The following CASZ1 variants were observed in gnomAD, a reference collection of about 807,000 sequenced individuals.
CASZ1 encodes the protein zinc finger protein castor homolog 1.
A neutral mutation model predicts 135.2 loss-of-function variants in CASZ1; 28 were observed. The observed-to-expected ratio is 0.21, with a 90% CI of 0.15 to 0.28. The LOEUF (loss-of-function observed/expected upper bound fraction) is 0.28, where lower values mean the gene tolerates loss of function less well. CASZ1 is among the 10% of genes least tolerant of loss of function. The probability of loss-of-function intolerance (pLI) is 1.00; values close to 1 mark genes in which losing one functional copy is unlikely to be tolerated. For synonymous variants in CASZ1, 1,068 were observed against 1,073.4 expected (o/e 0.99, Z 0.10); for missense variants, 2,161 against 2,453.3 (o/e 0.88, Z 2.52).
intron 2 of CASZ1, among the ~76,000 whole-genome samples, chr1:10,714,877 T>C (rs1022227755): frequency 6.6e-6 from 1 of 151,450 alleles, no homozygotes; most frequent in East Asian, 1.9e-4. Context: ...TCCTCAGAGC[T>C]GCCTTGTCTC....
Position 10,653,662 on chromosome 1 carries a change from T to C in CASZ1, c.2395A>G (p.Thr799Ala), listed in dbSNP as rs1642679356. The change falls in exon 11 of 21, where the codon ACG (threonine) becomes GCG (alanine). Residue 799 changes from threonine (T) to alanine (A), a missense_variant. Thr to Ala is a moderately conservative substitution (Grantham distance 58). Coordinates refer to ENST00000377022, the MANE Select transcript of CASZ1 (RefSeq NM_001079843.3). ...CCAGCCAGTATGGGGAAGTAGGGCG[T>C]GGGGGTGGGCAGGCCCGAGTTGGAG... The part of the protein sequence containing the change: ...ALSNSGLPTP[T>A]PYFPILAGRG... 6.4e-7 allele frequency: 1 copy of C among 1,553,866 alleles called. No individual in the cohort carries two copies. The highest frequency in any genetic ancestry group is 1.4e-5 in the African/African-American group (1 of 73,042).
rs1640671185 is a variant in CASZ1 at position 10,776,888 on chromosome 1, C to G, written c.-233-16031G>C. ...TCCAGTGCTCTTTCTTCAACAGAAG[C>G]AGTCCCTAAAACCAGTCACCCCCAA... On this transcript the variant is annotated intron_variant, in intron 1 of 20. Transcript: ENST00000377022. The surrounding 1 kb of genome is among the most constrained non-coding windows in gnomAD (Gnocchi z 4.1). 6.6e-6 allele frequency among the ~76,000 whole-genome samples: 1 copy of G among 152,214 alleles called. No homozygotes were observed. The highest frequency in any genetic ancestry group is 1.5e-5 in the Non-Finnish European group (1 of 68,030).
rs574018529 is a variant in CASZ1, at chr1:10,662,028, ACT to A, written c.506-1494_506-1493del. Among the ~76,000 whole-genome samples, 134 of 151,102 alleles carry A rather than the reference ACT, an allele frequency of 8.9e-4. 2 individuals carry two copies. The South Asian group carries it at 0.011, about 12-fold the overall frequency. ...ACAACACACACATGCATTCTCATAC[ACT>A]CTCACACACCCACATTCTCACAATC... On this transcript the variant is annotated intron_variant, in intron 5 of 20. Coordinates refer to ENST00000377022, the MANE Select transcript of CASZ1 (RefSeq NM_001079843.3).
In CASZ1 at chr1:10,717,679, G is replaced by A. The variant is rs1172515288; in HGVS notation, c.-76-12135C>T. ...CAGGGGGCAGGGGACAGGGGCGGAG[G>A]TAGAAAACCCTTGCCAATTCCCCCC... On this transcript the variant is annotated intron_variant, in intron 2 of 20. Coordinates refer to ENST00000377022, the MANE Select transcript of CASZ1 (RefSeq NM_001079843.3). This position sits in a 1 kb window ranked among gnomAD's most constrained non-coding sequence, Gnocchi z 4.6. 6.6e-6 allele frequency among the ~76,000 whole-genome samples: 1 copy of A among 152,114 alleles called. No homozygotes were observed. Among genetic ancestry groups the A allele is most frequent in the East Asian group, 1.9e-4 (1 of 5,188 alleles).
At chr1:10,785,949 G>A (rs757696495) in intron 1 of CASZ1, among the ~76,000 whole-genome samples, 10 of 152,212 alleles carry the variant, frequency 6.6e-5, no homozygotes, top group East Asian at 5.8e-4. Context: ...TTACAGATGC[G>A]GAAACAAAGG....
At chr1:10,783,016 G>A (rs2100615892) in intron 1 of CASZ1, among the ~76,000 whole-genome samples, 2 of 152,248 alleles carry the variant, frequency 1.3e-5, no homozygotes, top group South Asian at 4.1e-4. Context: ...TGACTCAATT[G>A]CCTTTTCACG....
chr1:10,639,071 G>T lies in CASZ1; in HGVS notation c.5151C>A (p.Thr1717=). Residue 1717 remains threonine, a synonymous_variant, in exon 21 of 21, where the codon ACC becomes ACA. Coordinates refer to ENST00000377022, the MANE Select transcript of CASZ1 (RefSeq NM_001079843.3). This position sits in a 1 kb window ranked among gnomAD's most constrained non-coding sequence, Gnocchi z 4.0. ...DEDDDDEDLR[T]DSEESLPEAA... ...CCTCGGGCAGCGACTCCTCCGAGTC[G>T]GTGCGCAGGTCCTCGTCGTCGTCGT... is the stretch of plus-strand genomic sequence containing the variant. 1 of 1,129,760 alleles carries T rather than the reference G, an allele frequency of 8.9e-7. No individual in the cohort carries two copies. The highest frequency in any genetic ancestry group is 7.6e-5 in the East Asian group (1 of 13,208). 70.0% of individuals were successfully genotyped at this position (1,129,760 alleles called of 1,614,324 possible).
At chr1:10,738,100 G>T (rs78581889) in intron 2 of CASZ1, among the ~76,000 whole-genome samples, 1 of 152,194 alleles carries the variant, frequency 6.6e-6, no homozygotes, top group Non-Finnish European at 1.5e-5. Context: ...GGGTGGGGAC[G>T]AGCAATCGAG....
At chr1:10,664,581 G>A (rs1458421112) in intron 5 of CASZ1, among the ~76,000 whole-genome samples, 1 of 152,018 alleles carries the variant, frequency 6.6e-6, no homozygotes, top group Non-Finnish European at 1.5e-5. Flanking sequence ...AGGCCAAGGG[G>A]AGTGGCAGGA....
chr1:10,778,164 C>T (rs1330160133), intron 1 of CASZ1, among the ~76,000 whole-genome samples: 2 of 151,982 alleles, frequency 1.3e-5, no homozygotes, highest in South Asian at 2.1e-4. Flanking sequence ...CTCCATCTCA[C>T]ACTATCTCAC....
chr1:10,665,441 G>T lies in CASZ1; in HGVS notation c.147C>A (p.Asp49Glu), dbSNP rs284322. The change falls in exon 5 of 21, where the codon GAC (aspartate) becomes GAA (glutamate). Residue 49 changes from aspartate to glutamate, a missense_variant. Transcript: ENST00000377022. ...SRQVVVEKRA[D>E]AGSHTEGSPS... ...GGCTGCCCTCCGTGTGGGAGCCGGC[G>T]TCAGCTCGCTTCTCCACCACCACCT... 1.2e-6 allele frequency: 2 copies of T among 1,611,044 alleles called. No homozygotes were observed. The highest frequency in any genetic ancestry group is 1.7e-6 in the Non-Finnish European group (2 of 1,179,728).
chr1:10,760,499 T>C (rs1302946772), intron 2 of CASZ1, among the ~76,000 whole-genome samples: 3 of 152,242 alleles, frequency 2.0e-5, no homozygotes, highest in Non-Finnish European at 4.4e-5. Flanking sequence ...CAAATGCAGG[T>C]GCCCTGCTCC....
In CASZ1 at chr1:10,639,884, T is replaced by A. The variant is rs377572273; in HGVS notation, c.4338A>T (p.Ala1446=). ...RFDLYEDCKD[A]ACQFSLKVTH... ...TGACCTTGAGCGAGAACTGACAAGC[T>A]GCGTCCTTGCAGTCCTCGTAAAGGT... Residue 1446 remains alanine (A), a synonymous_variant, in exon 21 of 21, where the codon GCA becomes GCT. Coordinates refer to ENST00000377022, the MANE Select transcript of CASZ1 (RefSeq NM_001079843.3). This position sits in a 1 kb window ranked among gnomAD's most constrained non-coding sequence, Gnocchi z 4.0. 6.2e-7 allele frequency: 1 copy of A among 1,612,546 alleles called. No individual in the cohort carries two copies. The highest frequency in any genetic ancestry group is 1.3e-5 in the African/African-American group (1 of 74,944).
chr1:10,783,122 C>T (rs969674571), intron 1 of CASZ1, among the ~76,000 whole-genome samples: 3 of 152,128 alleles, frequency 2.0e-5, no homozygotes, highest in Non-Finnish European at 2.9e-5. Flanking sequence ...ACGGCCCTCC[C>T]GGGGCCACCG....
At chr1:10,654,301 C>A in intron 10 of CASZ1, 83 bp from the exon 11 acceptor site, 1 of 1,579,262 alleles carries the variant, frequency 6.3e-7, no homozygotes, top group Non-Finnish European at 8.6e-7. Context: ...GGACAGTCCC[C>A]CGGGTGGAAA....
rs1218171242 is a variant in CASZ1 at position 10,794,297 on chromosome 1, C to A, written c.-234+2267G>T. Among the ~76,000 whole-genome samples the A allele has an allele frequency of 6.6e-6, 1 of 152,074 alleles. No individual in the cohort carries two copies. On this transcript the variant is annotated intron_variant, in intron 1 of 20. Coordinates refer to ENST00000377022, the MANE Select transcript of CASZ1 (RefSeq NM_001079843.3). This position sits in a 1 kb window ranked among gnomAD's most constrained non-coding sequence, Gnocchi z 5.6. ...GTGCGCTCTCACCGCGCGCCTGTACCAGCTCGGAGACGTCCTAAATTTACT... is the reference window on the plus strand; with the variant it reads ...GTGCGCTCTCACCGCGCGCCTGTACAAGCTCGGAGACGTCCTAAATTTACT...
chr1:10,729,584 C>T lies in CASZ1; in HGVS notation c.-76-24040G>A, dbSNP rs569784942. 3.3e-5 allele frequency among the ~76,000 whole-genome samples: 5 copies of T among 152,222 alleles called. No individual in the cohort carries two copies. The South Asian group carries it at 6.2e-4, about 19-fold the overall frequency. On this transcript the variant is annotated intron_variant, in intron 2 of 20. Coordinates refer to ENST00000377022, the MANE Select transcript of CASZ1 (RefSeq NM_001079843.3). ...GGGCTTAGGGGAGCAGTTCGCAAAG[C>T]GTGGTCCGCAGGCCTCTTCCCGAGA... is the stretch of plus-strand genomic sequence containing the variant.
In CASZ1 at chr1:10,725,147, G is replaced by T. The variant is rs928322019; in HGVS notation, c.-76-19603C>A. ...GGGGTAGGATTCCCTAGTTGGCCAG[G>T]GAGCCCTGGATGGATACGGCGAGAA... On this transcript the variant is annotated intron_variant, in intron 2 of 20. Coordinates refer to ENST00000377022, the MANE Select transcript of CASZ1 (RefSeq NM_001079843.3). This position sits in a 1 kb window ranked among gnomAD's most constrained non-coding sequence, Gnocchi z 4.4. 2.0e-5 allele frequency among the ~76,000 whole-genome samples: 3 copies of T among 152,158 alleles called. No individual in the cohort carries two copies. The highest frequency in any genetic ancestry group is 4.4e-5 in the Non-Finnish European group (3 of 68,020).
chr1:10,643,247 G>A lies in CASZ1; in HGVS notation c.3933C>T (p.Phe1311=), dbSNP rs532843592. ...GGGAGGTCATCTGGTGCTTGAGGAG[G>A]AAGGAGAACTGGCAGCCCTCCCGGA... ...HCIREGCQFS[F]LLKHQMTSHA... Residue 1311 remains phenylalanine, a synonymous_variant, in exon 19 of 21, where the codon TTC becomes TTT. Coordinates refer to ENST00000377022, the MANE Select transcript of CASZ1 (RefSeq NM_001079843.3). 4.5e-5 allele frequency: 73 copies of A among 1,613,198 alleles called. No individual in the cohort carries two copies. In the South Asian group the frequency reaches 7.1e-4, roughly 16 times the overall value.
Sources: gnomAD v4.1 joint callset for allele counts (sites outside exome capture counted in the v4.1 genomes callset) on GRCh38, gnomAD v4.1.1 for gene constraint, Gnocchi (gnomAD v3.1) non-coding constraint, MANE v1.5 for transcripts, NCBI Gene and HGNC (gene_info 2026-07-23, HGNC 2026-07-21) for gene names.